Variants in FSTL4 observed in about 807,000 individuals in gnomAD.
FSTL4 encodes the protein follistatin-related protein 4.
In FSTL4, 28 loss-of-function variants were observed where a neutral mutation model predicts 78.2. That is an observed-to-expected ratio of 0.36 (90% CI 0.27 to 0.49). The LOEUF (loss-of-function observed/expected upper bound fraction) is 0.49, where lower values mean the gene tolerates loss of function less well. FSTL4 is among the 20% of genes least tolerant of loss of function. The pLI is 0.98. For missense variants in FSTL4, 922 were observed against 1,084.9 expected, an observed-to-expected ratio of 0.85 and a Z score of 2.11; for synonymous variants, 422 against 440.5, an observed-to-expected ratio of 0.96 and a Z score of 0.53.
chr5:133,801,826 C>G, the FSTL4 span, among the ~76,000 whole-genome samples: 2 of 152,214 alleles, frequency 1.3e-5, no homozygotes, highest in East Asian at 3.8e-4. Context: ...TACTCCCAGG[C>G]GAGCTGGAGG....
At chr5:133,447,838 C>G (rs950399716) in intron 3 of FSTL4, among the ~76,000 whole-genome samples, 2 of 152,220 alleles carry the variant, frequency 1.3e-5, no homozygotes, top group Non-Finnish European at 1.5e-5. Flanking sequence ...CTGCACCCAG[C>G]CTAGGATTAT....
intron 6 of FSTL4, among the ~76,000 whole-genome samples, chr5:133,279,190 C>T (rs952255472): frequency 3.3e-5 from 5 of 152,224 alleles, no homozygotes; most frequent in African/African-American, 1.2e-4. Flanking sequence ...GGTCCATGGC[C>T]TGTTAGGAGC....
intron 2 of FSTL4, among the ~76,000 whole-genome samples, chr5:133,601,912 G>A (rs1760878221): frequency 6.6e-6 from 1 of 151,598 alleles, no homozygotes; most frequent in Non-Finnish European, 1.5e-5. Flanking sequence ...TTGAACTCCT[G>A]GGCTCAAGTG....
At chr5:133,648,743 A>G in the FSTL4 span, among the ~76,000 whole-genome samples, 2 of 152,172 alleles carry the variant, frequency 1.3e-5, no homozygotes, top group Non-Finnish European at 2.9e-5. Flanking sequence ...GTTCCCAACA[A>G]AATTGAACAC....
chr5:133,447,427 CAGAA>C (rs1398737378), intron 3 of FSTL4, among the ~76,000 whole-genome samples: 20 of 152,226 alleles, frequency 1.3e-4, no homozygotes, highest in Admixed American at 3.9e-4. Context: ...GCTGGCAGAT[CAGAA>C]AGAATGACCC....
intron 3 of FSTL4, among the ~76,000 whole-genome samples, chr5:133,548,037 T>C (rs1469302072): frequency 6.6e-6 from 1 of 152,214 alleles, no homozygotes; most frequent in Non-Finnish European, 1.5e-5. Context: ...GAGAACAATG[T>C]AGCCTGATTT....
At chr5:133,413,885 T>C (rs1032103297) in intron 3 of FSTL4, among the ~76,000 whole-genome samples, 3 of 152,158 alleles carry the variant, frequency 2.0e-5, no homozygotes, top group Admixed American at 6.5e-5. Context: ...ATAAAGATGA[T>C]TGGCCATTTG....
At chr5:133,571,567 T>A (rs949665112) in intron 2 of FSTL4, among the ~76,000 whole-genome samples, 1 of 151,994 alleles carries the variant, frequency 6.6e-6, no homozygotes, top group African/African-American at 2.4e-5. Context: ...AAAACTAGAA[T>A]CGAATAAAAG....
intron 3 of FSTL4, among the ~76,000 whole-genome samples, chr5:133,520,996 C>A (rs1258441020): frequency 6.6e-6 from 1 of 152,172 alleles, no homozygotes; most frequent in Non-Finnish European, 1.5e-5. Context: ...GTGGATTAAA[C>A]TTTCTGAAGT....
chr5:133,423,140 G>A (rs991430062), intron 3 of FSTL4, among the ~76,000 whole-genome samples: 1 of 152,238 alleles, frequency 6.6e-6, no homozygotes, highest in African/African-American at 2.4e-5. Context: ...TGTCACAACA[G>A]GTTGGAGCTG....
At chr5:133,416,074 G>A (rs1580694528) in intron 3 of FSTL4, among the ~76,000 whole-genome samples, 1 of 152,026 alleles carries the variant, frequency 6.6e-6, no homozygotes, top group Non-Finnish European at 1.5e-5. Context: ...AAGAACCAAG[G>A]CTCTTTGAAA....
At chr5:133,317,497 A>AAT (rs1273118153) in intron 4 of FSTL4, among the ~76,000 whole-genome samples, 1 of 152,228 alleles carries the variant, frequency 6.6e-6, no homozygotes, top group Non-Finnish European at 1.5e-5. Context: ...AATCCTGGAG[A>AAT]ATACGCATGG....
At chr5:133,348,525 C>A (rs547841267) in intron 4 of FSTL4, among the ~76,000 whole-genome samples, 1 of 152,282 alleles carries the variant, frequency 6.6e-6, no homozygotes, top group South Asian at 2.1e-4. Context: ...TCCCAGGATG[C>A]CATGGGAAAG....
intron 7 of FSTL4, chr5:133,243,800 C>T (rs1254406123): frequency 3.3e-5 from 5 of 152,370 alleles, no homozygotes; most frequent in African/African-American, 9.6e-5. Context: ...ACAGCCATTA[C>T]CTGTGACTTT....
intron 11 of FSTL4, among the ~76,000 whole-genome samples, chr5:133,222,552 G>A (rs534306800): frequency 1.3e-5 from 2 of 152,330 alleles, no homozygotes; most frequent in Admixed American, 1.3e-4. Context: ...AAAATCGGTA[G>A]TTGGAAGAAC....
chr5:133,806,383 T>C, the FSTL4 span, among the ~76,000 whole-genome samples: 3 of 152,252 alleles, frequency 2.0e-5, no homozygotes, highest in Non-Finnish European at 2.9e-5. Flanking sequence ...GAGGTGCTCA[T>C]AGGTAAATTT....
At chr5:133,227,213 C>G (rs1751360209) in intron 8 of FSTL4, among the ~76,000 whole-genome samples, 2 of 152,202 alleles carry the variant, frequency 1.3e-5, no homozygotes, top group South Asian at 4.1e-4. Context: ...GAGTCCTTGC[C>G]TCAGTTTTTC....
chr5:133,467,377 C>T (rs191177961), intron 3 of FSTL4, among the ~76,000 whole-genome samples: 1 of 152,202 alleles, frequency 6.6e-6, no homozygotes, highest in East Asian at 1.9e-4. Context: ...ACGGCTGGGC[C>T]TGCAGGAGGA....
the FSTL4 span, among the ~76,000 whole-genome samples, chr5:133,728,259 A>T: frequency 5.9e-5 from 9 of 152,312 alleles, no homozygotes; most frequent in South Asian, 1.9e-3. Context: ...TGCATAGCCA[A>T]ATGGTCCCCA....
Sources: allele counts gnomAD v4.1 joint callset (sites outside exome capture counted in the v4.1 genomes callset), GRCh38; gene constraint gnomAD v4.1.1; transcripts MANE v1.5; gene names NCBI Gene and HGNC (gene_info 2026-07-23, HGNC 2026-07-21).